The following CCSER1 variants were observed in gnomAD, a reference collection of about 807,000 sequenced individuals.
CCSER1 encodes the protein coiled-coil serine rich protein 1.
CCSER1 carries 41 observed loss-of-function variants against 82.0 expected under a neutral mutation model. The observed-to-expected ratio is 0.50, with a 90% confidence interval of 0.39 to 0.65. The LOEUF (loss-of-function observed/expected upper bound fraction) is 0.65, where lower values mean the gene tolerates loss of function less well. CCSER1 is among the 30% of genes least tolerant of loss of function. The pLI is 0.00. For synonymous variants in CCSER1, 414 were observed against 383.9 expected, an observed-to-expected ratio of 1.08 and a Z score of -0.92; for missense variants, 1,119 against 1,064.2, an observed-to-expected ratio of 1.05 and a Z score of -0.72.
chr4:91,585,420 C>T (rs759216516), intron 10 of CCSER1, among the ~76,000 whole-genome samples: 26 of 151,400 alleles, frequency 1.7e-4, no homozygotes, highest in Non-Finnish European at 3.3e-4. Context: ...AAGGTAAATG[C>T]TGGGAGAAAA....
In CCSER1 at chr4:91,602,322, T is replaced by C. The variant is rs1156483997; in HGVS notation, c.*3265T>C. ...GGAAATTCCACATTTTGTTTTGTTT[T>C]CTTTGTCTTGTTTAATAGAGATAAT... is the stretch of plus-strand genomic sequence containing the variant. On this transcript the variant is annotated 3_prime_UTR_variant, in exon 11 of 11. Transcript: ENST00000509176. 6.6e-6 allele frequency among the ~76,000 whole-genome samples: 1 copy of C among 152,020 alleles called. No homozygotes were observed. Among genetic ancestry groups the C allele is most frequent in the African/African-American group, 2.4e-5 (1 of 41,416 alleles).
At chr4:90,130,232 C>G (rs371404999) in intron 1 of CCSER1, among the ~76,000 whole-genome samples, 13 of 152,240 alleles carry the variant, frequency 8.5e-5, no homozygotes, top group African/African-American at 2.9e-4. Context: ...ATTCCTTGTT[C>G]CCTGTCTTTC....
chr4:90,657,692 A>G (rs762589065), intron 6 of CCSER1, among the ~76,000 whole-genome samples: 2 of 152,156 alleles, frequency 1.3e-5, no homozygotes, highest in Non-Finnish European at 2.9e-5. Flanking sequence ...TTCAATTATC[A>G]TATGTTTTAG....
intron 10 of CCSER1, among the ~76,000 whole-genome samples, chr4:91,268,623 C>A (rs1048101540): frequency 9.9e-5 from 15 of 152,028 alleles, no homozygotes; most frequent in African/African-American, 3.4e-4. Flanking sequence ...CACCTGGGTG[C>A]AGGCTGGCTG....
intron 10 of CCSER1, among the ~76,000 whole-genome samples, chr4:91,211,467 G>T (rs1453317979): frequency 6.6e-6 from 1 of 151,918 alleles, no homozygotes; most frequent in Non-Finnish European, 1.5e-5. Context: ...CATCTTAATG[G>T]CATGATAATA....
chr4:90,192,459 C>T (rs1418243761), intron 1 of CCSER1, among the ~76,000 whole-genome samples: 1 of 151,996 alleles, frequency 6.6e-6, no homozygotes, highest in East Asian at 1.9e-4. Flanking sequence ...TTATGAGAAG[C>T]AATATTTCAC....
At chr4:91,201,991 G>A (rs1735937259) in intron 10 of CCSER1, among the ~76,000 whole-genome samples, 1 of 151,914 alleles carries the variant, frequency 6.6e-6, no homozygotes, top group African/African-American at 2.4e-5. Context: ...GTCTTCACAA[G>A]TTATACTTCA....
intron 10 of CCSER1, among the ~76,000 whole-genome samples, chr4:91,314,959 G>A (rs576092598): frequency 1.1e-4 from 16 of 152,006 alleles, no homozygotes; most frequent in African/African-American, 3.6e-4. Flanking sequence ...GAGAGAGTGA[G>A]AAAGTCAACA....
At chr4:91,323,867 A>G (rs185412286) in intron 10 of CCSER1, among the ~76,000 whole-genome samples, 59 of 152,316 alleles carry the variant, frequency 3.9e-4, no homozygotes, top group Non-Finnish European at 2.1e-4. Flanking sequence ...ATCCTGCATT[A>G]GAGGCTAGGA....
chr4:90,432,578 C>CCT (rs765341610), intron 4 of CCSER1, among the ~76,000 whole-genome samples: 2 of 150,760 alleles, frequency 1.3e-5, no homozygotes, highest in African/African-American at 2.4e-5. Flanking sequence ...TTCCTTCTTT[C>CCT]CTCTCTCTCT....
intron 4 of CCSER1, among the ~76,000 whole-genome samples, chr4:90,437,348 A>C (rs561070223): frequency 1.5e-4 from 23 of 152,158 alleles, no homozygotes; most frequent in African/African-American, 5.3e-4. Context: ...ATAGTGAACA[A>C]TATATTTTTA....
intron 10 of CCSER1, among the ~76,000 whole-genome samples, chr4:91,567,102 A>G (rs74744425): frequency 0.017 from 2,551 of 152,212 alleles, 29 homozygotes; most frequent in Non-Finnish European, 0.029. Context: ...ATTATTTTCA[A>G]AGAACTTCTT....
chr4:90,425,086 T>C (rs1757339878), intron 4 of CCSER1, among the ~76,000 whole-genome samples: 1 of 152,196 alleles, frequency 6.6e-6, no homozygotes, highest in Admixed American at 6.5e-5. Context: ...TCAGTGTCCA[T>C]TAGTGCCATC....
Position 90,359,835 on chromosome 4 carries a change from ATGTGTATATATATG to A in CCSER1, c.1510-40183_1510-40170del, listed in dbSNP as rs1210243405. Among the ~76,000 whole-genome samples the A allele has an allele frequency of 4.6e-5, 7 of 150,618 alleles. No individual in the cohort carries two copies. In the East Asian group the frequency reaches 5.8e-4, roughly 13 times the overall value. ...TTTATATATAGATATGTGTATATAT[ATGTGTATATATATG>A]TGTGTATATATATGTGTATATATAT... On this transcript the variant is annotated intron_variant, in intron 3 of 10. Coordinates refer to ENST00000509176, the MANE Select transcript of CCSER1 (RefSeq NM_001145065.2).
At chr4:90,306,314 A>G (rs2031404865) in intron 1 of CCSER1, among the ~76,000 whole-genome samples, 1 of 152,188 alleles carries the variant, frequency 6.6e-6, no homozygotes, top group East Asian at 1.9e-4. Flanking sequence ...TGTACTGCAT[A>G]TTTCAAAATG....
chr4:91,224,940 A>T (rs1738030039), intron 10 of CCSER1, among the ~76,000 whole-genome samples: 1 of 151,684 alleles, frequency 6.6e-6, no homozygotes, highest in African/African-American at 2.4e-5. Flanking sequence ...AAGAGGCAAT[A>T]TTAAATATCT....
intron 6 of CCSER1, among the ~76,000 whole-genome samples, chr4:90,720,999 A>AAT (rs1474169715): frequency 6.6e-6 from 1 of 151,844 alleles, no homozygotes; most frequent in Non-Finnish European, 1.5e-5. Flanking sequence ...AGAGTTTTTT[A>AAT]ATAATTAGGC....
At chr4:90,222,188 G>C (rs1318483173) in intron 1 of CCSER1, among the ~76,000 whole-genome samples, 1 of 152,148 alleles carries the variant, frequency 6.6e-6, no homozygotes, top group African/African-American at 2.4e-5. Context: ...AGCGTATTTA[G>C]AAGGGGTCTT....
chr4:90,634,632 A>C (rs750225215), intron 6 of CCSER1, among the ~76,000 whole-genome samples: 1 of 151,792 alleles, frequency 6.6e-6, no homozygotes, highest in Non-Finnish European at 1.5e-5. Context: ...CTTGAGATGG[A>C]AAGAAAAGTC....
Sources: gnomAD v4.1 joint callset for allele counts (sites outside exome capture counted in the v4.1 genomes callset) on GRCh38, gnomAD v4.1.1 for gene constraint, MANE v1.5 for transcripts, NCBI Gene and HGNC (gene_info 2026-07-23, HGNC 2026-07-21) for gene names.